The following ZDHHC2 variants were observed in gnomAD, a reference collection of about 807,000 sequenced individuals.
ZDHHC2 encodes zDHHC palmitoyltransferase 2, also known as palmitoyltransferase ZDHHC2.
Under a neutral mutation model 55.6 loss-of-function variants are expected in ZDHHC2, and 51 were observed. The ratio of observed to expected loss-of-function variants is 0.92; its 90% CI spans 0.73 to 1.16. The LOEUF is 1.16. Ranked by LOEUF, ZDHHC2 falls within the 50% of genes most tolerant of loss-of-function variation. The pLI is 0.00. For synonymous variants in ZDHHC2, 199 were observed against 152.9 expected (o/e 1.30, Z -2.22); for missense variants, 491 against 442.4 (o/e 1.11, Z -0.99).
At position 17,210,014 on chromosome 8, in the gene ZDHHC2, T is replaced by C; in HGVS notation, c.813T>C (p.Val271=). 6.2e-7 allele frequency: 1 copy of C among 1,609,506 alleles called. No homozygotes were observed. The highest frequency in any genetic ancestry group is 8.5e-7 in the Non-Finnish European group (1 of 1,177,566). ...SLGFSKNMRQ[V]FGDEKKYWLL... is the part of the protein sequence containing the mutation. ...GTTTCAGTAAAAACATGCGACAAGT[T>C]TTTGGTGATGAGAAGAAGTACTGGT... is the stretch of plus-strand genomic sequence containing the variant. Residue 271 remains valine, a synonymous_variant, in exon 9 of 13, where the codon GTT becomes GTC. Transcript: ENST00000262096.
At chr8:17,176,498 T>C (rs1805140654) in intron 1 of ZDHHC2, among the ~76,000 whole-genome samples, 1 of 151,884 alleles carries the variant, frequency 6.6e-6, no homozygotes, top group Non-Finnish European at 1.5e-5. Flanking sequence ...TTTAAGATAA[T>C]TTTATAGCCA....
intron 1 of ZDHHC2, among the ~76,000 whole-genome samples, chr8:17,181,794 T>G (rs1805446945): frequency 2.6e-5 from 4 of 152,172 alleles, no homozygotes; most frequent in African/African-American, 7.2e-5. Context: ...ACCATCTATA[T>G]TGTTTCAAAA....
chr8:17,197,292 T>C (rs1806366416), intron 4 of ZDHHC2, among the ~76,000 whole-genome samples: 1 of 152,194 alleles, frequency 6.6e-6, no homozygotes, highest in South Asian at 2.1e-4. Context: ...TTGATTAACA[T>C]GGACATATTT....
At chr8:17,178,728 G>C (rs972029077) in intron 1 of ZDHHC2, among the ~76,000 whole-genome samples, 2 of 152,200 alleles carry the variant, frequency 1.3e-5, no homozygotes, top group Non-Finnish European at 2.9e-5. Flanking sequence ...TTTCATTCAA[G>C]CCAGGTTGGA....
At chr8:17,186,788 A>G (rs931253837) in intron 3 of ZDHHC2, among the ~76,000 whole-genome samples, 3 of 152,256 alleles carry the variant, frequency 2.0e-5, no homozygotes, top group East Asian at 1.9e-4. Context: ...ATCAGCCACC[A>G]GAAACAACAA....
Position 17,199,428 on chromosome 8 carries a change from C to A in ZDHHC2, c.476+1015C>A, listed in dbSNP as rs1294470133. On this transcript the variant is annotated intron_variant, in intron 6 of 12. Coordinates refer to ENST00000262096, the MANE Select transcript of ZDHHC2 (RefSeq NM_016353.5). ...CAGTTTTCTTTTCTGGTTTTTTTTACAACAAGTGTTCCCTCTCCCCCAGTG... is the reference window on the plus strand; with the variant it reads ...CAGTTTTCTTTTCTGGTTTTTTTTAAAACAAGTGTTCCCTCTCCCCCAGTG... 2.7e-5 allele frequency among the ~76,000 whole-genome samples: 4 copies of A among 147,158 alleles called. No individual in the cohort carries two copies. In the East Asian group the frequency reaches 8.4e-4, roughly 31 times the overall value.
At chr8:17,203,187 G>C (rs1031142705) in intron 6 of ZDHHC2, among the ~76,000 whole-genome samples, 2 of 149,980 alleles carry the variant, frequency 1.3e-5, no homozygotes, top group African/African-American at 2.5e-5. Context: ...AGCCTCCCGA[G>C]TAGCTGGGAT....
At position 17,224,651 on chromosome 8, in the gene ZDHHC2, A is replaced by G. The variant is rs1808052497; in HGVS notation, c.*4430A>G. ...AATTCCGTTGATTCTGAATTTAAAAAGATACTACAGAATGCGTCAGTTCTC... is the reference window on the plus strand; with the variant it reads ...AATTCCGTTGATTCTGAATTTAAAAGGATACTACAGAATGCGTCAGTTCTC... On this transcript the variant is annotated 3_prime_UTR_variant, in exon 13 of 13. Coordinates refer to ENST00000262096, the MANE Select transcript of ZDHHC2 (RefSeq NM_016353.5). 1 of 151,784 alleles carries G rather than the reference A, an allele frequency of 6.6e-6. No individual in the cohort carries two copies. Among genetic ancestry groups the G allele is most frequent in the African/African-American group, 2.4e-5 (1 of 41,402 alleles). The allele number at this position is 151,784 out of a possible 1,614,324, so 9.4% of individuals were successfully genotyped here. A position where few individuals can be genotyped will look rare whatever the true frequency, so the allele number is the denominator to read the frequency against.
chr8:17,207,467 A>G (rs958094672), intron 7 of ZDHHC2, among the ~76,000 whole-genome samples: 3 of 152,190 alleles, frequency 2.0e-5, no homozygotes, highest in African/African-American at 7.2e-5. Flanking sequence ...GTGTTGTTAT[A>G]TGTATTCATT....
intron 1 of ZDHHC2, among the ~76,000 whole-genome samples, chr8:17,169,103 C>T (rs541797025): frequency 1.3e-5 from 2 of 152,218 alleles, no homozygotes; most frequent in African/African-American, 4.8e-5. Context: ...GGACACCATA[C>T]GGTTTTTCTG....
At chr8:17,217,776 T>G (rs916804564) in intron 12 of ZDHHC2, among the ~76,000 whole-genome samples, 22 of 152,118 alleles carry the variant, frequency 1.4e-4, no homozygotes, top group East Asian at 7.7e-4. Context: ...TCCAAATCAT[T>G]TTCTTTAAGC....
intron 6 of ZDHHC2, among the ~76,000 whole-genome samples, chr8:17,201,368 T>C (rs1806751877): frequency 1.3e-5 from 2 of 151,698 alleles, no homozygotes; most frequent in African/African-American, 4.8e-5. Context: ...CGTATGAATA[T>C]ATAAAAAATC....
At position 17,156,669 on chromosome 8, in the gene ZDHHC2, C is replaced by T. The variant is rs1804060704; in HGVS notation, c.-55C>T. On this transcript the variant is annotated 5_prime_UTR_variant, in exon 1 of 13. Transcript: ENST00000262096. ...GGGTGCCGGGCCCGCCCAGCCCGCC[C>T]CGGAGCCAGGCCCGCGGGCGGCGGC... is the stretch of plus-strand genomic sequence containing the variant. 1 of 1,211,476 alleles carries T rather than the reference C, an allele frequency of 8.3e-7. No homozygotes were observed. Among genetic ancestry groups the T allele is most frequent in the East Asian group, 3.9e-5 (1 of 25,358 alleles). The allele number at this position is 1,211,476 out of a possible 1,614,324, so 75.0% of individuals were successfully genotyped here. A position where few individuals can be genotyped will look rare whatever the true frequency, so the allele number is the denominator to read the frequency against.
At chr8:17,179,315 G>T (rs1389399373) in intron 1 of ZDHHC2, among the ~76,000 whole-genome samples, 1 of 152,210 alleles carries the variant, frequency 6.6e-6, no homozygotes, top group East Asian at 1.9e-4. Context: ...AGCGCAGCCA[G>T]ATAATACAAC....
chr8:17,217,477 C>T (rs959647640), intron 12 of ZDHHC2, among the ~76,000 whole-genome samples: 16 of 152,066 alleles, frequency 1.1e-4, no homozygotes, highest in African/African-American at 3.9e-4. Context: ...AGTTGATGAA[C>T]AAGAGTCATT....
chr8:17,192,556 T>C (rs183514664), intron 3 of ZDHHC2, among the ~76,000 whole-genome samples: 8 of 152,326 alleles, frequency 5.3e-5, no homozygotes, highest in African/African-American at 1.9e-4. Flanking sequence ...CCAAATACTT[T>C]CTCCCATTCT....
chr8:17,224,448 A>C lies in ZDHHC2; in HGVS notation c.*4227A>C, dbSNP rs1455561141. 2 of 151,644 alleles carry C rather than the reference A, an allele frequency of 1.3e-5. No individual in the cohort carries two copies. The highest frequency in any genetic ancestry group is 4.8e-5 in the African/African-American group (2 of 41,398). The allele number at this position is 151,644 out of a possible 1,614,324, so 9.4% of individuals were successfully genotyped here. ...GCTAGTTCCCTTTTGCTCAGGAAAA[A>C]TAGTACTACTTTATGGTTTATGAAA... is the stretch of plus-strand genomic sequence containing the variant. On this transcript the variant is annotated 3_prime_UTR_variant, in exon 13 of 13. Coordinates refer to ENST00000262096, the MANE Select transcript of ZDHHC2 (RefSeq NM_016353.5).
chr8:17,213,433 G>T (rs1339987899), intron 10 of ZDHHC2, among the ~76,000 whole-genome samples: 1 of 151,844 alleles, frequency 6.6e-6, no homozygotes, highest in African/African-American at 2.4e-5. Context: ...TGTATTTTTA[G>T]GAGAGATGGG....
intron 3 of ZDHHC2, 104 bp from the exon 4 acceptor site, chr8:17,195,400 T>C: frequency 7.7e-7 from 1 of 1,305,028 alleles, no homozygotes; most frequent in Middle Eastern, 2.5e-4. Context: ...ATGTACAATA[T>C]ACCATTAATA....
Sources: gnomAD v4.1 joint callset for allele counts (sites outside exome capture counted in the v4.1 genomes callset) on GRCh38, gnomAD v4.1.1 for gene constraint, MANE v1.5 for transcripts, NCBI Gene and HGNC (gene_info 2026-07-23, HGNC 2026-07-21) for gene names.